The following RIN1 variants were observed in gnomAD, a reference collection of about 807,000 sequenced individuals.
RIN1 encodes ras inhibitor 1.
In RIN1, 52 loss-of-function variants were observed where a neutral mutation model predicts 64.9. The observed-to-expected ratio is 0.80, with a 90% CI of 0.64 to 1.01. The LOEUF (loss-of-function observed/expected upper bound fraction) is 1.01. Ranked by LOEUF, RIN1 falls within the 50% of genes least tolerant of loss-of-function variation. RIN1 has a pLI of 0.00. For missense variants in RIN1, 1,040 were observed against 1,064.5 expected (o/e 0.98, Z 0.32); for synonymous variants, 486 against 483.6 (o/e 1.00, Z -0.06).
chr11:66,333,875 G>C, intron 7 of RIN1, 44 bp downstream of exon 7: 1 of 1,471,866 alleles, frequency 6.8e-7, no homozygotes, highest in Non-Finnish European at 9.0e-7. Context: ...GCCCGCCTCT[G>C]ACTCAAAGGG....
At chr11:66,335,556 G>A in intron 4 of RIN1, 54 bp downstream of exon 4, 5 of 1,612,210 alleles carry the variant, frequency 3.1e-6, no homozygotes, top group Non-Finnish European at 3.4e-6. Context: ...GGAAGGATGG[G>A]CTGTCCCAAG....
In RIN1 at chr11:66,335,662, C is replaced by T. The variant is rs907968295; in HGVS notation, c.403G>A (p.Glu135Lys). ...TGGACTAGGTCTGGGAACATGAGCT[C>T]CGAGCCCTCCAAGGAGACGCCTGAG... ...SPGGVSLEGS[E>K]LMFPDLVQLI... is the part of the protein sequence containing the mutation. Residue 135 changes from glutamate (E) to lysine (K), a missense_variant, in exon 4 of 10, where the codon GAG becomes AAG. Glu to Lys is a moderately conservative substitution (Grantham distance 56). Transcript: ENST00000311320. The T allele has an allele frequency of 5.6e-6, 9 of 1,613,500 alleles. No homozygotes were observed. Among genetic ancestry groups the T allele is most frequent in the Admixed American group, 1.7e-5 (1 of 59,914 alleles).
rs1385659000 is a variant in RIN1 at position 66,332,232 on chromosome 11, G to T, written c.*44C>A. 1 of 1,566,838 alleles carries T rather than the reference G, an allele frequency of 6.4e-7. No homozygotes were observed. The highest frequency in any genetic ancestry group is 8.8e-7 in the Non-Finnish European group (1 of 1,139,684). On this transcript the variant is annotated 3_prime_UTR_variant, in exon 10 of 10. Transcript: ENST00000311320. Reference sequence around the variant, plus strand: ...TGGCGCTAAAAGGATTTCTCAGCAGGCTCAGGGTCTCCCGCCCCGAATGAC... The same window carrying T: ...TGGCGCTAAAAGGATTTCTCAGCAGTCTCAGGGTCTCCCGCCCCGAATGAC...
Position 66,332,433 on chromosome 11 carries a change from C to A in RIN1, c.2195G>T (p.Gly732Val). Residue 732 changes from glycine (G) to valine (V), a missense_variant, in exon 10 of 10, where the codon GGG (glycine) becomes GTG (valine). Transcript: ENST00000311320. ...SEARSRGEEQ[G>V]CQGDGDAGVK... The stretch of plus-strand genomic sequence containing the variant: ...CCCAGCATCCCCATCTCCCTGGCAC[C>A]CTTGCTCCTCCCCTCTGCTTCTTGC... 4 of 1,614,190 alleles carry A rather than the reference C, an allele frequency of 2.5e-6. No homozygotes were observed. The highest frequency in any genetic ancestry group is 2.5e-6 in the Non-Finnish European group (3 of 1,180,034).
In RIN1 at chr11:66,335,849, G is replaced by C. The variant is rs576392806; in HGVS notation, c.295C>G (p.Arg99Gly). The change falls in exon 3 of 10, where the codon CGC becomes GGC. Residue 99 changes from arginine to glycine, a missense_variant. Coordinates refer to ENST00000311320, the MANE Select transcript of RIN1 (RefSeq NM_004292.3). ...GTFLVRKSNT[R>G]QCQALCMRLP... ...CGCATGCACAGGGCCTGGCACTGGC[G>C]GGTGTTAGATTTCCGCACGAGGAAC... 2 of 1,587,332 alleles carry C rather than the reference G, an allele frequency of 1.3e-6. No individual in the cohort carries two copies. Among genetic ancestry groups the C allele is most frequent in the Non-Finnish European group, 1.7e-6 (2 of 1,165,406 alleles).
chr11:66,333,928 T>C lies in RIN1; in HGVS notation c.1582A>G (p.Thr528Ala). Residue 528 changes from threonine (T) to alanine (A), a missense_variant, in exon 7 of 10, where the codon ACC (threonine) becomes GCC (alanine). Thr to Ala is a moderately conservative substitution (Grantham distance 58). Coordinates refer to ENST00000311320, the MANE Select transcript of RIN1 (RefSeq NM_004292.3). Reference protein sequence around the residue: ...ACKLLYMALRTQEGEGAGADE... With the variant: ...ACKLLYMALRAQEGEGAGADE... ...GGTGGCAGGGACATACCTTCCTGGG[T>C]CCTCAGGGCCATGTAGAGCAGCTTG... is the stretch of plus-strand genomic sequence containing the variant. 6.5e-7 allele frequency: 1 copy of C among 1,529,436 alleles called. No homozygotes were observed. Among genetic ancestry groups the C allele is most frequent in the Non-Finnish European group, 8.8e-7 (1 of 1,137,520 alleles). 94.7% of individuals were successfully genotyped at this position (1,529,436 alleles called of 1,614,324 possible).
chr11:66,335,525 G>C (rs1279355118), intron 4 of RIN1, 27 bp from the exon 5 acceptor site: 1 of 1,613,374 alleles, frequency 6.2e-7, no homozygotes, highest in African/African-American at 1.3e-5. Flanking sequence ...GAGCAGAAGG[G>C]AGTGAGGGCC....
chr11:66,334,397 T>A, intron 6 of RIN1, 117 bp downstream of exon 6: 1 of 1,404,492 alleles, frequency 7.1e-7, no homozygotes, highest in Non-Finnish European at 9.7e-7. Flanking sequence ...TCTCGAACAG[T>A]GGTAAGACAA....
rs71457711 is a variant in RIN1 at position 66,331,852 on chromosome 11, C to G, written c.*424G>C. On this transcript the variant is annotated 3_prime_UTR_variant, in exon 10 of 10. Coordinates refer to ENST00000311320, the MANE Select transcript of RIN1 (RefSeq NM_004292.3). The stretch of plus-strand genomic sequence containing the variant: ...CCTGACACCTAAGAGCCATTGGAAC[C>G]TTTTAGGGTCTGGAAGTCCCAGCCT... 1 of 225,766 alleles carries G rather than the reference C, an allele frequency of 4.4e-6. No individual in the cohort carries two copies. Among genetic ancestry groups the G allele is most frequent in the South Asian group, 7.0e-5 (1 of 14,378 alleles). 14.0% of individuals were successfully genotyped at this position (225,766 alleles called of 1,614,324 possible). A position where few individuals can be genotyped will look rare whatever the true frequency, so the allele number is the denominator to read the frequency against.
Position 66,334,624 on chromosome 11 carries a change from G to C in RIN1, c.1175C>G (p.Ala392Gly), listed in dbSNP as rs1440949117. The C allele has an allele frequency of 6.3e-7, 1 of 1,577,250 alleles. No individual in the cohort carries two copies. The highest frequency in any genetic ancestry group is 8.6e-7 in the Non-Finnish European group (1 of 1,164,260). ...CTGCAGCTCCTGGGGCTCGGGCCCA[G>C]CCCGCACCTGGGTCAGTAGGTCCTG... ...LVQDLLTQVRAGPEPQELQGI... is the reference protein window; with the variant it reads ...LVQDLLTQVRGGPEPQELQGI... The change falls in exon 6 of 10, where the codon GCT (alanine) becomes GGT (glycine). Residue 392 changes from alanine to glycine, a missense_variant. Physicochemically the swap from Ala to Gly is moderately conservative, Grantham distance 60. Coordinates refer to ENST00000311320, the MANE Select transcript of RIN1 (RefSeq NM_004292.3).
chr11:66,332,210 C>A lies in RIN1; in HGVS notation c.*66G>T, dbSNP rs140852131. ...CAGGGCCCTGGGTGGGGCTTGCTGGCGCTAAAAGGATTTCTCAGCAGGCTC... is the reference window on the plus strand; with the variant it reads ...CAGGGCCCTGGGTGGGGCTTGCTGGAGCTAAAAGGATTTCTCAGCAGGCTC... On this transcript the variant is annotated 3_prime_UTR_variant, in exon 10 of 10. Transcript: ENST00000311320. 3 of 1,460,042 alleles carry A rather than the reference C, an allele frequency of 2.1e-6. No homozygotes were observed. Among genetic ancestry groups the A allele is most frequent in the South Asian group, 1.1e-5 (1 of 87,806 alleles). 90.4% of individuals were successfully genotyped at this position (1,460,042 alleles called of 1,614,324 possible).
In RIN1 at chr11:66,334,070, G is replaced by T. The variant is rs760861873; in HGVS notation, c.1440C>A (p.Phe480Leu). 8 of 1,570,388 alleles carry T rather than the reference G, an allele frequency of 5.1e-6. No individual in the cohort carries two copies. In the Admixed American group the frequency reaches 1.3e-4, roughly 26 times the overall value. Residue 480 changes from phenylalanine to leucine, a missense_variant, in exon 7 of 10, where the codon TTC becomes TTA. Coordinates refer to ENST00000311320, the MANE Select transcript of RIN1 (RefSeq NM_004292.3). The stretch of plus-strand genomic sequence containing the variant: ...GGGAGGGCAGGCTCAGGTGGGACCC[G>T]AAGGCTCCGGGGCCCTGGGCCCGGG... ...RLARAQGPGA[F>L]GSHLSLPSPV...
In RIN1 at chr11:66,334,157, G is replaced by C. The variant is rs765837381; in HGVS notation, c.1353C>G (p.Arg451=). ...CGTCTGCGGCAAGCCGGCGCCGCAG[G>C]CGGGCTGCCAGGATGGGCCGGAGAG... ...LKPLRPILAA[R]LRRRLAADGS... The change falls in exon 7 of 10, where the codon CGC becomes CGG. Residue 451 remains arginine, a synonymous_variant. Transcript: ENST00000311320. 3 of 1,540,662 alleles carry C rather than the reference G, an allele frequency of 1.9e-6. No homozygotes were observed. In the South Asian group the frequency reaches 3.7e-5, roughly 19 times the overall value.
At chr11:66,333,195 G>A in intron 9 of RIN1, 63 bp downstream of exon 9, 9 of 1,572,956 alleles carry the variant, frequency 5.7e-6, no homozygotes, top group Non-Finnish European at 7.8e-6. Context: ...TCTTCACCAA[G>A]GACAGGAAGG....
chr11:66,333,475 C>G lies in RIN1; in HGVS notation c.1723+52G>C, dbSNP rs533056479. On this transcript the variant is annotated intron_variant, in intron 8 of 9. Transcript: ENST00000311320. ...GGGGCACCCCATCCCCTCTCCCCTT[C>G]CCTGCTTATTCAGGGCCCACCCAGA... 44 of 1,608,602 alleles carry G rather than the reference C, an allele frequency of 2.7e-5. No individual in the cohort carries two copies. The South Asian group carries it at 4.4e-4, about 16-fold the overall frequency.
Position 66,333,580 on chromosome 11 carries a change from A to C in RIN1, c.1670T>G (p.Leu557Arg), listed in dbSNP as rs1854791440. 3.1e-6 allele frequency: 5 copies of C among 1,613,528 alleles called. No homozygotes were observed. The highest frequency in any genetic ancestry group is 4.2e-6 in the Non-Finnish European group (5 of 1,180,000). Reference protein sequence around the residue: ...LAHCDLPELLLEAEYMSELLE... With the variant: ...LAHCDLPELLREAEYMSELLE... The stretch of plus-strand genomic sequence containing the variant: ...CAGCTCCGACATGTACTCGGCCTCC[A>C]GCAGCAGCTCAGGAAGGTCACAGTG... Residue 557 changes from leucine (L) to arginine (R), a missense_variant, in exon 8 of 10, where the codon CTG (leucine) becomes CGG (arginine). Physicochemically the swap from Leu to Arg is moderately radical, Grantham distance 102. Transcript: ENST00000311320.
Position 66,332,568 on chromosome 11 carries a change from C to G in RIN1, c.2060G>C (p.Gly687Ala). The change falls in exon 10 of 10, where the codon GGG becomes GCG. Residue 687 changes from glycine (G) to alanine (A), a missense_variant. Gly to Ala is a moderately conservative substitution (Grantham distance 60). Coordinates refer to ENST00000311320, the MANE Select transcript of RIN1 (RefSeq NM_004292.3). ...GGTGGGCAGCCTGTGGGCCAGGGCC[C>G]CAGGGGGCAGGCGGTGGTAGCCCTG... ...KEQGYHRLPP[G>A]ALAHRLPTTG... 1.9e-6 allele frequency: 3 copies of G among 1,612,526 alleles called. No homozygotes were observed. Among genetic ancestry groups the G allele is most frequent in the Non-Finnish European group, 2.5e-6 (3 of 1,179,034 alleles).
chr11:66,333,413 G>C lies in RIN1; in HGVS notation c.1724-4C>G. ...AGGCTGGTCAGGTAGTAGCCACCTG[G>C]GACACAGGGTGGAAGAACACGGCTC... On this transcript the variant is annotated splice_region_variant and splice_polypyrimidine_tract_variant and intron_variant, in intron 8 of 9. Coordinates refer to ENST00000311320, the MANE Select transcript of RIN1 (RefSeq NM_004292.3). 1 of 1,606,754 alleles carries C rather than the reference G, an allele frequency of 6.2e-7. No individual in the cohort carries two copies.
rs78789510 is a variant in RIN1 at position 66,332,520 on chromosome 11, C to A, written c.2108G>T (p.Arg703Leu). ...LPTTGYLVYRRAEWPETQGAV... is the reference protein window; with the variant it reads ...LPTTGYLVYRLAEWPETQGAV... ...CCCCTGGGTCTCAGGCCACTCCGCC[C>A]GGCGGTAGACGAGGTAGCCAGTGGT... The change falls in exon 10 of 10, where the codon CGG becomes CTG. Residue 703 changes from arginine (R) to leucine (L), a missense_variant. Coordinates refer to ENST00000311320, the MANE Select transcript of RIN1 (RefSeq NM_004292.3). 1 of 1,613,698 alleles carries A rather than the reference C, an allele frequency of 6.2e-7. No individual in the cohort carries two copies. The highest frequency in any genetic ancestry group is 8.5e-7 in the Non-Finnish European group (1 of 1,179,824).
Sources: gnomAD v4.1 joint callset for allele counts on GRCh38, gnomAD v4.1.1 for gene constraint, MANE v1.5 for transcripts, NCBI Gene and HGNC (gene_info 2026-07-23, HGNC 2026-07-21) for gene names.